Variants in FMN1 observed in about 807,000 individuals in gnomAD.
The protein encoded by FMN1 is formin 1, also known as formin-1.
In FMN1, 110 loss-of-function variants were observed where a neutral mutation model predicts 132.4. That is an observed-to-expected ratio of 0.83 (90% CI 0.71 to 0.97). The LOEUF is 0.97. Among genes scored for constraint, FMN1 ranks in the 50% least tolerant of loss-of-function variants. FMN1 has a pLI of 0.00. For synonymous variants in FMN1, 722 were observed against 651.7 expected (o/e 1.11, Z -1.64); for missense variants, 1,792 against 1,705.3 (o/e 1.05, Z -0.90).
chr15:33,121,449 A>C (rs1962544426), intron 4 of FMN1, among the ~76,000 whole-genome samples: 1 of 152,170 alleles, frequency 6.6e-6, no homozygotes, highest in South Asian at 2.1e-4. Context: ...TATTACATGT[A>C]GTTCTATATG....
intron 6 of FMN1, among the ~76,000 whole-genome samples, chr15:33,043,103 G>C (rs2036515962): frequency 6.6e-6 from 1 of 152,198 alleles, no homozygotes; most frequent in Non-Finnish European, 1.5e-5. Context: ...ACTGTACTTT[G>C]AATTTTGATC....
chr15:33,087,176 A>C (rs2038728546), intron 5 of FMN1, among the ~76,000 whole-genome samples: 1 of 152,236 alleles, frequency 6.6e-6, no homozygotes, highest in Non-Finnish European at 1.5e-5. Flanking sequence ...CTAAATGTGG[A>C]AGTAGGTGAA....
chr15:33,100,018 G>A (rs923433940), intron 4 of FMN1, among the ~76,000 whole-genome samples: 1 of 152,126 alleles, frequency 6.6e-6, no homozygotes, highest in East Asian at 1.9e-4. Context: ...TGGTGGGTTT[G>A]GAGGTCTTCG....
At chr15:33,074,572 T>C (rs1051967448) in intron 5 of FMN1, among the ~76,000 whole-genome samples, 1 of 152,242 alleles carries the variant, frequency 6.6e-6, no homozygotes, top group East Asian at 1.9e-4. Flanking sequence ...AAAGCTTCTG[T>C]AGAAATGGAT....
chr15:32,902,561 TCA>T (rs1167403382), intron 12 of FMN1, among the ~76,000 whole-genome samples: 1 of 152,224 alleles, frequency 6.6e-6, no homozygotes, highest in Non-Finnish European at 1.5e-5. Flanking sequence ...TCTATAATGA[TCA>T]CATTCTCCAG....
At chr15:33,095,643 G>A (rs1429494173) in intron 4 of FMN1, among the ~76,000 whole-genome samples, 2 of 151,968 alleles carry the variant, frequency 1.3e-5, no homozygotes, top group African/African-American at 4.8e-5. Flanking sequence ...AAAGTGTTGC[G>A]ATTACAGGCA....
rs76335073 is a variant in FMN1 at position 32,903,594 on chromosome 15, C to T, written c.3378-1554G>A. On this transcript the variant is annotated intron_variant, in intron 12 of 20. Transcript: ENST00000616417. ...CCAAGTTCCCAGAGCATGTACACTT[C>T]CTATCACAGTGAGCGAAGCAGTTAC... Among the ~76,000 whole-genome samples, 1,501 of 152,304 alleles carry T rather than the reference C, an allele frequency of 9.9e-3. 10 individuals carry two copies. The highest frequency in any genetic ancestry group is 0.017 in the Middle Eastern group (5 of 294).
At chr15:33,096,206 G>C (rs1017380795) in intron 4 of FMN1, among the ~76,000 whole-genome samples, 4 of 152,184 alleles carry the variant, frequency 2.6e-5, no homozygotes, top group Non-Finnish European at 5.9e-5. Context: ...ATAAAATTCT[G>C]AGAAAAACAG....
intron 4 of FMN1, among the ~76,000 whole-genome samples, chr15:33,147,262 AC>A (rs1964264296): frequency 6.6e-6 from 1 of 152,118 alleles, no homozygotes; most frequent in South Asian, 2.1e-4. Flanking sequence ...TCCAATTACA[AC>A]CCGAAAAGGT....
At chr15:33,011,489 A>ATT (rs1248866364) in intron 6 of FMN1, among the ~76,000 whole-genome samples, 1 of 152,012 alleles carries the variant, frequency 6.6e-6, no homozygotes, top group African/African-American at 2.4e-5. Flanking sequence ...AATTTATCTT[A>ATT]TAGCATAGTA....
intron 10 of FMN1, among the ~76,000 whole-genome samples, chr15:32,924,065 T>C (rs1392174577): frequency 1.3e-5 from 2 of 151,860 alleles, no homozygotes; most frequent in African/African-American, 2.4e-5. Context: ...TTTGTTTTTG[T>C]TTTTCTTTTT....
chr15:32,913,673 G>A (rs1437967468), intron 10 of FMN1, among the ~76,000 whole-genome samples: 1 of 152,178 alleles, frequency 6.6e-6, no homozygotes, highest in Non-Finnish European at 1.5e-5. Flanking sequence ...TTTTACATAA[G>A]GTGAAGATGG....
intron 12 of FMN1, 130 bp downstream of exon 12, chr15:32,908,360 G>T: frequency 1.6e-6 from 1 of 640,170 alleles, no homozygotes; most frequent in Non-Finnish European, 2.8e-6. Context: ...CATGCAACAG[G>T]TCACAGGAAT....
At chr15:32,936,978 G>A (rs2061290719) in intron 9 of FMN1, among the ~76,000 whole-genome samples, 1 of 152,164 alleles carries the variant, frequency 6.6e-6, no homozygotes, top group Non-Finnish European at 1.5e-5. Context: ...TGTCCCATCA[G>A]CACTCCAAGT....
intron 17 of FMN1, among the ~76,000 whole-genome samples, chr15:32,849,006 C>CAA (rs1427429177): frequency 1.0e-5 from 1 of 98,760 alleles, no homozygotes; most frequent in Non-Finnish European, 1.9e-5. Context: ...TTTTCAGAGA[C>CAA]AGAGTCTCAC....
intron 2 of FMN1, among the ~76,000 whole-genome samples, chr15:33,188,508 G>C (rs1965967376): frequency 6.6e-6 from 1 of 151,980 alleles, no homozygotes; most frequent in Non-Finnish European, 1.5e-5. Flanking sequence ...TGTGGTTCAG[G>C]CAGAAGGTCC....
At chr15:32,808,450 G>T (rs755799010) in intron 17 of FMN1, among the ~76,000 whole-genome samples, 2 of 152,218 alleles carry the variant, frequency 1.3e-5, no homozygotes, top group Admixed American at 6.5e-5. Flanking sequence ...TGGCTGCTGG[G>T]GGTTCAAGCT....
chr15:32,854,552 T>C (rs985924311), intron 17 of FMN1, among the ~76,000 whole-genome samples: 3 of 152,234 alleles, frequency 2.0e-5, no homozygotes, highest in African/African-American at 7.2e-5. Context: ...ATTCCTAATG[T>C]TACTTTTACC....
chr15:33,001,807 T>A (rs2034136757), intron 7 of FMN1, among the ~76,000 whole-genome samples: 2 of 151,678 alleles, frequency 1.3e-5, no homozygotes, highest in Non-Finnish European at 2.9e-5. Flanking sequence ...CTACACCTTT[T>A]GATAAGCTAG....
Sources: gnomAD v4.1 joint callset for allele counts (sites outside exome capture counted in the v4.1 genomes callset) on GRCh38, gnomAD v4.1.1 for gene constraint, MANE v1.5 for transcripts, NCBI Gene and HGNC (gene_info 2026-07-23, HGNC 2026-07-21) for gene names.